Variants in SBNO1 observed in about 807,000 individuals in gnomAD.
The protein encoded by SBNO1 is protein strawberry notch homolog 1.
In SBNO1, 23 loss-of-function variants were observed where a neutral mutation model predicts 173.6. The ratio of observed to expected loss-of-function variants is 0.13; its 90% confidence interval spans 0.10 to 0.19. SBNO1 has a LOEUF of 0.19. Ranked by LOEUF, SBNO1 falls within the 10% of genes least tolerant of loss-of-function variation. The pLI, the probability that SBNO1 is intolerant of heterozygous loss-of-function variation, is 1.00. For missense variants in SBNO1, 1,238 were observed against 1,671.2 expected, an observed-to-expected ratio of 0.74 and a Z score of 4.52; for synonymous variants, 632 against 571.5, an observed-to-expected ratio of 1.11 and a Z score of -1.51.
chr12:123,307,020 T>TAAAAAAAAAAAAAAAAAAAAAAAAA (rs34105162), intron 28 of SBNO1, among the ~76,000 whole-genome samples: 2 of 64,432 alleles, frequency 3.1e-5, no homozygotes, highest in Non-Finnish European at 2.7e-5. Flanking sequence ...TCAACTGCAT[T>TAAAAAAAAAAAAAAAAAAAAAAAAA]AAAAAAAAAA....
At chr12:123,323,854 A>C in intron 15 of SBNO1, 23 bp from the exon 16 acceptor site, 2 of 1,546,206 alleles carry the variant, frequency 1.3e-6, no homozygotes, top group Non-Finnish European at 1.7e-6. Flanking sequence ...AACAGTGACA[A>C]TTACTGCTTC....
intron 8 of SBNO1, 27 bp downstream of exon 8, chr12:123,331,215 G>C (rs778727315): frequency 1.1e-5 from 17 of 1,610,458 alleles, no homozygotes; most frequent in Non-Finnish European, 1.4e-5. Context: ...GCTGCGCCTG[G>C]CCCACAGCCA....
At chr12:123,332,350 G>A (rs1468049022) in intron 7 of SBNO1, among the ~76,000 whole-genome samples, 2 of 151,930 alleles carry the variant, frequency 1.3e-5, no homozygotes, top group Non-Finnish European at 2.9e-5. Context: ...AGAGTGCAAT[G>A]GCACAATCTC....
intron 16 of SBNO1, among the ~76,000 whole-genome samples, chr12:123,322,622 AG>A (rs1870117788): frequency 6.6e-6 from 1 of 150,914 alleles, no homozygotes; most frequent in African/African-American, 2.4e-5. Flanking sequence ...AAACCAAAAC[AG>A]GGCTGGGCGA....
At position 123,320,417 on chromosome 12, in the gene SBNO1, T is replaced by C. The variant is rs1463622996; in HGVS notation, c.2667+15A>G. The C allele has an allele frequency of 6.2e-7, 1 of 1,603,248 alleles. No homozygotes were observed. Among genetic ancestry groups the C allele is most frequent in the Admixed American group, 1.7e-5 (1 of 57,908 alleles). On this transcript the variant is annotated intron_variant, in intron 19 of 31. Coordinates refer to ENST00000602398, the MANE Select transcript of SBNO1 (RefSeq NM_001167856.3). ...AAATGGCAAAAATGTCACCAAGAGA[T>C]ACAGGCCTATTTACCTCAGCAACGT...
rs753055725 is a variant in SBNO1, at chr12:123,325,582, C to A, written c.1893G>T (p.Leu631=). The change falls in exon 15 of 32, where the codon CTG becomes CTT. Residue 631 remains leucine, a synonymous_variant. Coordinates refer to ENST00000602398, the MANE Select transcript of SBNO1 (RefSeq NM_001167856.3). ...ATGTTCTAGCTTCTCCTGTAGACTGCAGACCAATTACAACACACTGGAGAA... is the reference window on the plus strand; with the variant it reads ...ATGTTCTAGCTTCTCCTGTAGACTGAAGACCAATTACAACACACTGGAGAA... ...IKNGKCVVIG[L]QSTGEARTLE... The A allele has an allele frequency of 1.9e-6, 3 of 1,609,290 alleles. No individual in the cohort carries two copies. Among genetic ancestry groups the A allele is most frequent in the Non-Finnish European group, 2.6e-6 (3 of 1,175,922 alleles).
chr12:123,323,247 T>C (rs1333316037), intron 16 of SBNO1, among the ~76,000 whole-genome samples: 1 of 152,216 alleles, frequency 6.6e-6, no homozygotes, highest in Non-Finnish European at 1.5e-5. Context: ...ACAGTGAAAA[T>C]TTGGAACCAT....
At chr12:123,322,191 G>A (rs1870058139) in intron 16 of SBNO1, among the ~76,000 whole-genome samples, 1 of 152,118 alleles carries the variant, frequency 6.6e-6, no homozygotes, top group Non-Finnish European at 1.5e-5. Flanking sequence ...GGAGTGCAGT[G>A]GCACAATCAT....
intron 1 of SBNO1, among the ~76,000 whole-genome samples, chr12:123,358,263 A>T (rs1307259147): frequency 1.3e-5 from 2 of 152,226 alleles, no homozygotes; most frequent in Non-Finnish European, 2.9e-5. Context: ...TGAGGTCAAG[A>T]GTGGAATTTC....
intron 1 of SBNO1, among the ~76,000 whole-genome samples, chr12:123,357,927 A>G (rs2139098781): frequency 6.6e-6 from 1 of 152,346 alleles, no homozygotes; most frequent in Non-Finnish European, 1.5e-5. Flanking sequence ...CAAAAGCAAT[A>G]CACAAATAAT....
At chr12:123,332,675 T>TC (rs745811789) in intron 7 of SBNO1, among the ~76,000 whole-genome samples, 5 of 152,206 alleles carry the variant, frequency 3.3e-5, no homozygotes, top group Non-Finnish European at 5.9e-5. Flanking sequence ...CAAGTGATTC[T>TC]CCTGACTTAG....
intron 8 of SBNO1, among the ~76,000 whole-genome samples, chr12:123,330,959 A>T (rs1871144833): frequency 6.6e-6 from 1 of 152,058 alleles, no homozygotes; most frequent in African/African-American, 2.4e-5. Context: ...TGCTAAAGTA[A>T]TTACTAACAA....
intron 8 of SBNO1, 128 bp downstream of exon 8, chr12:123,331,114 C>T: frequency 1.2e-6 from 1 of 861,238 alleles, no homozygotes. Context: ...AGGAACCCAC[C>T]ATGACGACCG....
chr12:123,327,815 GA>G lies in SBNO1; in HGVS notation c.1433-4del, dbSNP rs766204867. The G allele has an allele frequency of 1.1e-5, 18 of 1,611,644 alleles. No homozygotes were observed. Among genetic ancestry groups the G allele is most frequent in the Non-Finnish European group, 1.4e-5 (16 of 1,178,406 alleles). On this transcript the variant is annotated splice_region_variant and splice_polypyrimidine_tract_variant and intron_variant, in intron 11 of 31. Coordinates refer to ENST00000602398, the MANE Select transcript of SBNO1 (RefSeq NM_001167856.3). ...CATGTTGCGTGGTTCAGAAGCACCT[GA>G]AAATCCCACAAATGAAATATATTAT...
At chr12:123,320,343 A>T in intron 19 of SBNO1, 89 bp downstream of exon 19, 1 of 1,219,902 alleles carries the variant, frequency 8.2e-7, no homozygotes, top group Non-Finnish European at 1.2e-6. Context: ...TAAGAAATTT[A>T]GATTATTATG....
chr12:123,307,892 T>C (rs2048959295), intron 28 of SBNO1, among the ~76,000 whole-genome samples: 1 of 152,038 alleles, frequency 6.6e-6, no homozygotes, highest in Non-Finnish European at 1.5e-5. Flanking sequence ...GCTAACACAG[T>C]GAAACCCTGT....
At chr12:123,350,637 T>C (rs945051267) in intron 1 of SBNO1, among the ~76,000 whole-genome samples, 196 bp from the exon 2 acceptor site, 1 of 152,046 alleles carries the variant, frequency 6.6e-6, no homozygotes, top group Non-Finnish European at 1.5e-5. Flanking sequence ...ATAGAAAGGA[T>C]AGAGAAGTAC....
At chr12:123,350,132 T>C (rs777416378) in intron 2 of SBNO1, among the ~76,000 whole-genome samples, 178 bp downstream of exon 2, 5 of 152,060 alleles carry the variant, frequency 3.3e-5, no homozygotes, top group East Asian at 1.9e-4. Flanking sequence ...CACGTGCCTA[T>C]AGTCCCAGCT....
intron 1 of SBNO1, among the ~76,000 whole-genome samples, chr12:123,351,461 CA>C (rs34032297): frequency 3.3e-5 from 5 of 152,040 alleles, no homozygotes; most frequent in South Asian, 2.1e-4. Context: ...CCCGTATCTA[CA>C]AAAAAATTTT....
Sources: gnomAD v4.1 joint callset for allele counts (sites outside exome capture counted in the v4.1 genomes callset) on GRCh38, gnomAD v4.1.1 for gene constraint, MANE v1.5 for transcripts, NCBI Gene and HGNC (gene_info 2026-07-23, HGNC 2026-07-21) for gene names.